Variants in CEP126 observed in about 807,000 individuals in gnomAD.
CEP126 encodes centrosomal protein of 126 kDa.
A neutral mutation model predicts 107.8 loss-of-function variants in CEP126; 74 were observed. The observed-to-expected ratio is 0.69, with a 90% CI of 0.57 to 0.83. The LOEUF (loss-of-function observed/expected upper bound fraction) is 0.83. Among genes scored for constraint, CEP126 ranks in the 40% least tolerant of loss-of-function variants. The pLI is 0.00. For synonymous variants in CEP126, 449 were observed against 446.0 expected, an observed-to-expected ratio of 1.01 and a Z score of -0.08; for missense variants, 1,237 against 1,281.9, an observed-to-expected ratio of 0.96 and a Z score of 0.53.
At chr11:101,956,769 C>T in intron 4 of CEP126, 2 of 452,486 alleles carry the variant, frequency 4.4e-6, no homozygotes, top group South Asian at 3.1e-5. Context: ...ATGATTTCCT[C>T]TTCCTTTCCC....
At chr11:101,955,081 T>C (rs886250193) in intron 4 of CEP126, among the ~76,000 whole-genome samples, 2 of 152,092 alleles carry the variant, frequency 1.3e-5, no homozygotes, top group African/African-American at 4.8e-5. Context: ...AATCTGATCA[T>C]GTAAAAGAGA....
At chr11:101,932,532 A>G (rs1044260645) in intron 2 of CEP126, among the ~76,000 whole-genome samples, 4 of 152,170 alleles carry the variant, frequency 2.6e-5, no homozygotes, top group Admixed American at 1.3e-4. Flanking sequence ...TTGGAAATCT[A>G]TCATTCATCA....
rs12282071 is a variant in CEP126 at position 101,988,176 on chromosome 11, A to T, written c.3244+1135A>T. On this transcript the variant is annotated intron_variant, in intron 9 of 10. Transcript: ENST00000263468. ...AATGCAGTCATTTTTAAACTTAAAC[A>T]TGCAGGGAATAAGAAACTATAAAGA... 7.2e-3 allele frequency among the ~76,000 whole-genome samples: 1,097 copies of T among 152,322 alleles called. 20 individuals are homozygous for T. The highest frequency in any genetic ancestry group is 0.025 in the African/African-American group (1,036 of 41,590).
At position 101,961,737 on chromosome 11, in the gene CEP126, C is replaced by T; in HGVS notation, c.706-4C>T. On this transcript the variant is annotated splice_polypyrimidine_tract_variant and splice_region_variant and intron_variant, in intron 5 of 10. Coordinates refer to ENST00000263468, the MANE Select transcript of CEP126 (RefSeq NM_020802.4). ...CTATAAAACAATGTTCTTTTTTTTT[C>T]CAGAAATTTTGTGATGAAGTTAATC... is the stretch of plus-strand genomic sequence containing the variant. The T allele has an allele frequency of 7.0e-6, 10 of 1,430,928 alleles. No individual in the cohort carries two copies. The highest frequency in any genetic ancestry group is 2.3e-5 in the East Asian group (1 of 42,698). The allele number at this position is 1,430,928 out of a possible 1,614,324, so 88.6% of individuals were successfully genotyped here.
intron 6 of CEP126, among the ~76,000 whole-genome samples, chr11:101,976,408 C>T (rs1476487516): frequency 1.3e-5 from 2 of 152,072 alleles, no homozygotes; most frequent in Non-Finnish European, 2.9e-5. Flanking sequence ...GCCCTTAGAA[C>T]AATACCTGCC....
At chr11:101,924,102 T>C (rs1940372326) in intron 2 of CEP126, among the ~76,000 whole-genome samples, 1 of 152,218 alleles carries the variant, frequency 6.6e-6, no homozygotes, top group Non-Finnish European at 1.5e-5. Flanking sequence ...AGAATTCTTA[T>C]GTAGAAAATA....
At position 101,962,439 on chromosome 11, in the gene CEP126, T is replaced by C. The variant is rs761263856; in HGVS notation, c.1404T>C (p.Asn468=). 3 of 1,613,902 alleles carry C rather than the reference T, an allele frequency of 1.9e-6. No homozygotes were observed. The South Asian group carries it at 3.3e-5, about 18-fold the overall frequency. The change falls in exon 6 of 11, where the codon AAT becomes AAC. Residue 468 remains asparagine (N), a synonymous_variant. Coordinates refer to ENST00000263468, the MANE Select transcript of CEP126 (RefSeq NM_020802.4). The part of the protein sequence containing the change: ...PVATPLVLPS[N]IQSARPSAKN... Reference sequence around the variant, plus strand: ...CAACGCCTTTAGTTTTGCCATCTAATATACAGTCAGCTAGACCTTCAGCAA... The same window carrying C: ...CAACGCCTTTAGTTTTGCCATCTAACATACAGTCAGCTAGACCTTCAGCAA...
At chr11:101,964,586 A>G (rs1441083725) in intron 6 of CEP126, among the ~76,000 whole-genome samples, 1 of 151,790 alleles carries the variant, frequency 6.6e-6, no homozygotes, top group African/African-American at 2.4e-5. Context: ...TCAGTGAGCC[A>G]AGGTGGTGCA....
chr11:101,997,124 G>A lies in CEP126; in HGVS notation c.3310-475G>A, dbSNP rs541821780. Reference sequence around the variant, plus strand: ...GCAATCTCAGCTTACTGCAACCTCCGCCTCCCAGGTTCAAGGGATTCTCCT... The same window carrying A: ...GCAATCTCAGCTTACTGCAACCTCCACCTCCCAGGTTCAAGGGATTCTCCT... On this transcript the variant is annotated intron_variant, in intron 10 of 10. Transcript: ENST00000263468. Among the ~76,000 whole-genome samples the A allele has an allele frequency of 2.8e-3, 424 of 152,214 alleles. 1 individual carries two copies. Among genetic ancestry groups the A allele is most frequent in the Non-Finnish European group, 4.8e-3 (329 of 68,008 alleles).
chr11:101,928,217 CTT>C (rs1940439538), intron 2 of CEP126, among the ~76,000 whole-genome samples: 1 of 151,984 alleles, frequency 6.6e-6, no homozygotes, highest in Admixed American at 6.6e-5. Flanking sequence ...ACTGTTTGCT[CTT>C]TTATTATTGA....
intron 5 of CEP126, among the ~76,000 whole-genome samples, chr11:101,960,307 G>A (rs1940954346): frequency 6.6e-6 from 1 of 152,190 alleles, no homozygotes; most frequent in Non-Finnish European, 1.5e-5. Context: ...TGATTTGGGA[G>A]ATGAAGCAAT....
At chr11:101,976,672 T>C (rs1053598588) in intron 6 of CEP126, among the ~76,000 whole-genome samples, 3 of 152,226 alleles carry the variant, frequency 2.0e-5, no homozygotes, top group Non-Finnish European at 4.4e-5. Context: ...GCATCATCAT[T>C]ACTTTACATC....
chr11:101,991,930 CAA>C (rs1166014820), intron 9 of CEP126, among the ~76,000 whole-genome samples: 1 of 151,934 alleles, frequency 6.6e-6, no homozygotes, highest in Non-Finnish European at 1.5e-5. Flanking sequence ...GCTAAAATCA[CAA>C]AGAAACAAAG....
chr11:101,986,801 T>C, intron 8 of CEP126, 31 bp from the exon 9 acceptor site: 1 of 1,562,820 alleles, frequency 6.4e-7, no homozygotes, highest in Non-Finnish European at 8.8e-7. Flanking sequence ...ACAAAAGGGG[T>C]TCAAAGAATA....
intron 7 of CEP126, among the ~76,000 whole-genome samples, chr11:101,980,912 T>C (rs1435872776): frequency 6.6e-6 from 1 of 152,238 alleles, no homozygotes; most frequent in African/African-American, 2.4e-5. Context: ...AATCTGCAGT[T>C]TCTCCTCAGA....
Position 101,962,882 on chromosome 11 carries a change from C to T in CEP126, c.1847C>T (p.Thr616Ile). Residue 616 changes from threonine to isoleucine, a missense_variant, in exon 6 of 11, where the codon ACA (threonine) becomes ATA (isoleucine). Thr to Ile is a moderately conservative substitution (Grantham distance 89). This residue lies in a region of CEP126 where 1,134 missense variants were observed against 1,150.5 expected (regional missense o/e 0.99). Coordinates refer to ENST00000263468, the MANE Select transcript of CEP126 (RefSeq NM_020802.4). ...GCTATCAGAGATAGTATTGAATTAA[C>T]AAAGGAAAAAGGTGCAGAAATTCCA... is the stretch of plus-strand genomic sequence containing the variant. ...AAAIRDSIEL[T>I]KEKGAEIPKT... 2 of 1,609,070 alleles carry T rather than the reference C, an allele frequency of 1.2e-6. No homozygotes were observed. Among genetic ancestry groups the T allele is most frequent in the Non-Finnish European group, 1.7e-6 (2 of 1,178,900 alleles).
At chr11:101,957,919 A>G (rs1940920788) in intron 4 of CEP126, among the ~76,000 whole-genome samples, 1 of 152,212 alleles carries the variant, frequency 6.6e-6, no homozygotes, top group East Asian at 1.9e-4. Context: ...AATCAAAGCC[A>G]TGAATTACTG....
chr11:101,970,077 A>G (rs1941108016), intron 6 of CEP126, among the ~76,000 whole-genome samples: 1 of 152,204 alleles, frequency 6.6e-6, no homozygotes, highest in South Asian at 2.1e-4. Flanking sequence ...TTGTAGATTA[A>G]AATTAGAGAC....
At chr11:101,934,523 C>T (rs1447267660) in intron 2 of CEP126, among the ~76,000 whole-genome samples, 1 of 152,030 alleles carries the variant, frequency 6.6e-6, no homozygotes, top group Non-Finnish European at 1.5e-5. Flanking sequence ...CTGTTAATCC[C>T]ATCCCTCATG....
Sources: gnomAD v4.1 joint callset for allele counts (sites outside exome capture counted in the v4.1 genomes callset) on GRCh38, gnomAD v4.1.1 for gene constraint, gnomAD v4.1.1 regional missense constraint, MANE v1.5 for transcripts, NCBI Gene and HGNC (gene_info 2026-07-23, HGNC 2026-07-21) for gene names.